Variants in TLE4 observed in about 807,000 individuals in gnomAD.
The protein encoded by TLE4 is TLE family member 4, transcriptional corepressor.
A neutral mutation model predicts 92.8 loss-of-function variants in TLE4; 8 were observed. The ratio of observed to expected loss-of-function variants is 0.09; its 90% confidence interval spans 0.05 to 0.16. TLE4 has a LOEUF of 0.16. TLE4 is among the 10% of genes least tolerant of loss of function. The pLI, the probability that TLE4 is intolerant of heterozygous loss-of-function variation, is 1.00. For missense variants in TLE4, 675 were observed against 997.6 expected, an observed-to-expected ratio of 0.68 and a Z score of 4.36; for synonymous variants, 371 against 374.1, an observed-to-expected ratio of 0.99 and a Z score of 0.10.
intron 5 of TLE4, among the ~76,000 whole-genome samples, chr9:79,613,616 G>A (rs1021394347): frequency 1.3e-5 from 2 of 152,284 alleles, no homozygotes; most frequent in African/African-American, 2.4e-5. Flanking sequence ...ACTTTGTGCT[G>A]TGGGCTGAGA....
chr9:79,600,416 G>A (rs62569291), intron 4 of TLE4, among the ~76,000 whole-genome samples: 4,001 of 152,204 alleles, frequency 0.026, 82 homozygotes, highest in African/African-American at 0.053. Context: ...GCCATTGAAG[G>A]AACTTGAGTG....
In TLE4 at chr9:79,725,987, G is replaced by T. The variant is rs994302442; in HGVS notation, c.*843G>T. Reference sequence around the variant, plus strand: ...TTTGCCACATTTCTTTGCAAAAGGAGATATATATATCTTTAGTCAGTTTTG... The same window carrying T: ...TTTGCCACATTTCTTTGCAAAAGGATATATATATATCTTTAGTCAGTTTTG... On this transcript the variant is annotated 3_prime_UTR_variant, in exon 20 of 20. Coordinates refer to ENST00000376552, the MANE Select transcript of TLE4 (RefSeq NM_007005.6). 1 of 152,558 alleles carries T rather than the reference G, an allele frequency of 6.6e-6. No individual in the cohort carries two copies. The highest frequency in any genetic ancestry group is 1.5e-5 in the Non-Finnish European group (1 of 68,024). The allele number at this position is 152,558 out of a possible 1,614,324, so 9.5% of individuals were successfully genotyped here. A position where few individuals can be genotyped will look rare whatever the true frequency, so the allele number is the denominator to read the frequency against.
chr9:79,671,439 G>T (rs2062337198), intron 8 of TLE4: 1 of 329,832 alleles, frequency 3.0e-6, no homozygotes, highest in South Asian at 2.3e-5. Context: ...TTATTTTCGT[G>T]TCAGATTATC....
intron 8 of TLE4, among the ~76,000 whole-genome samples, chr9:79,682,480 G>T (rs910203696): frequency 6.6e-6 from 1 of 152,096 alleles, no homozygotes; most frequent in Non-Finnish European, 1.5e-5. Flanking sequence ...TTGAAAAGAG[G>T]CAAAGCGGTC....
At chr9:79,719,654 C>T (rs1330550637) in intron 15 of TLE4, among the ~76,000 whole-genome samples, 4 of 152,128 alleles carry the variant, frequency 2.6e-5, no homozygotes, top group African/African-American at 9.7e-5. Context: ...GTAGCAGGAC[C>T]TTTCAACAGC....
At chr9:79,719,158 T>G (rs1257099791) in intron 15 of TLE4, among the ~76,000 whole-genome samples, 187 bp downstream of exon 15, 2 of 152,192 alleles carry the variant, frequency 1.3e-5, no homozygotes, top group Non-Finnish European at 2.9e-5. Context: ...GATCTAGTTC[T>G]TCATGTGTGG....
intron 1 of TLE4, among the ~76,000 whole-genome samples, chr9:79,573,099 GGTC>G (rs2036324663): frequency 6.6e-6 from 1 of 152,040 alleles, no homozygotes; most frequent in African/African-American, 2.4e-5. Context: ...AGCCGTTTGC[GGTC>G]CCCGCGCCGC....
chr9:79,658,405 G>A (rs1467409438), intron 8 of TLE4, among the ~76,000 whole-genome samples: 1 of 151,986 alleles, frequency 6.6e-6, no homozygotes, highest in Non-Finnish European at 1.5e-5. Flanking sequence ...TTTGTTTAAA[G>A]GTTTTTATAA....
chr9:79,592,183 CTCTTCTTCTTCT>C lies in TLE4; in HGVS notation c.252+16027_252+16038del, dbSNP rs57278935. ...CTTCTTCTTCTTCCTCTTCCTCTTC[CTCTTCTTCTTCT>C]TCTTCTTCTTCTTCTTCTTCCTCTT... On this transcript the variant is annotated intron_variant, in intron 4 of 19. Coordinates refer to ENST00000376552, the MANE Select transcript of TLE4 (RefSeq NM_007005.6). Among the ~76,000 whole-genome samples, 412 of 135,360 alleles carry C rather than the reference CTCTTCTTCTTCT, an allele frequency of 3.0e-3. 5 individuals carry two copies. Among genetic ancestry groups the C allele is most frequent in the African/African-American group, 5.7e-3 (199 of 34,970 alleles). The allele number at this position is 135,360 out of a possible 152,430, so 88.8% of individuals were successfully genotyped here. A position where few individuals can be genotyped will look rare whatever the true frequency, so the allele number is the denominator to read the frequency against.
intron 6 of TLE4, among the ~76,000 whole-genome samples, chr9:79,629,617 A>G (rs370220261): frequency 1.1e-3 from 169 of 152,366 alleles, no homozygotes; most frequent in African/African-American, 3.6e-3. Flanking sequence ...ATAGTTGGAT[A>G]TAGTTGGATC....
At chr9:79,603,952 G>A (rs2046258636) in intron 4 of TLE4, among the ~76,000 whole-genome samples, 1 of 152,136 alleles carries the variant, frequency 6.6e-6, no homozygotes, top group South Asian at 2.1e-4. Flanking sequence ...TAGACTCTGA[G>A]GCCCTTTTCC....
At chr9:79,637,921 CACAA>C (rs1189552072) in intron 6 of TLE4, among the ~76,000 whole-genome samples, 1 of 151,978 alleles carries the variant, frequency 6.6e-6, no homozygotes, top group Non-Finnish European at 1.5e-5. Flanking sequence ...GGTCCTGTGA[CACAA>C]ACAAGTTTGA....
rs1277875196 is a variant in TLE4, at chr9:79,705,480, T to A, written c.730-409T>A. Among the ~76,000 whole-genome samples, 3 of 152,202 alleles carry A rather than the reference T, an allele frequency of 2.0e-5. No individual in the cohort carries two copies. The South Asian group carries it at 6.2e-4, about 31-fold the overall frequency. ...GTGTCCTACAGGGCCGCAGGCCTCA[T>A]GAAAAGCTGGAAATCTGGATTTTTA... On this transcript the variant is annotated intron_variant, in intron 9 of 19. Transcript: ENST00000376552.
intron 14 of TLE4, among the ~76,000 whole-genome samples, chr9:79,713,554 G>T (rs1041673807): frequency 6.6e-6 from 1 of 152,228 alleles, no homozygotes; most frequent in Non-Finnish European, 1.5e-5. Flanking sequence ...TATTTGTTGG[G>T]CATCTTAGCT....
intron 15 of TLE4, 143 bp from the exon 16 acceptor site, chr9:79,719,903 A>G: frequency 9.1e-7 from 1 of 1,100,470 alleles, no homozygotes; most frequent in South Asian, 1.8e-5. Flanking sequence ...ATTTTCTAGC[A>G]TTAATCCACT....
At chr9:79,639,595 A>T (rs1289083430) in intron 6 of TLE4, among the ~76,000 whole-genome samples, 1 of 152,140 alleles carries the variant, frequency 6.6e-6, no homozygotes, top group Non-Finnish European at 1.5e-5. Flanking sequence ...TTCATTTATG[A>T]TAAGTGCTTT....
At chr9:79,703,243 A>C (rs2070475808) in intron 8 of TLE4, among the ~76,000 whole-genome samples, 1 of 152,092 alleles carries the variant, frequency 6.6e-6, no homozygotes, top group South Asian at 2.1e-4. Context: ...ACTCTCCAAG[A>C]TCAGCCCTTT....
At chr9:79,676,243 T>C (rs2063237279) in intron 8 of TLE4, among the ~76,000 whole-genome samples, 1 of 152,178 alleles carries the variant, frequency 6.6e-6, no homozygotes, top group Non-Finnish European at 1.5e-5. Flanking sequence ...ATAGAGTAAA[T>C]AAATTATTGC....
chr9:79,652,658 T>A lies in TLE4; in HGVS notation c.456T>A (p.Pro152=), dbSNP rs1587844574. ...TCCCCGTACCTCTGACTCCACACCC[T>A]TCAGGGCTCCAGCCCCCTGCCATTC... is the stretch of plus-strand genomic sequence containing the variant. ...HGLPVPLTPH[P]SGLQPPAIPP... is the part of the protein sequence containing the mutation. The change falls in exon 7 of 20, where the codon CCT becomes CCA. Residue 152 remains proline (P), a synonymous_variant. Coordinates refer to ENST00000376552, the MANE Select transcript of TLE4 (RefSeq NM_007005.6). 1 of 1,614,154 alleles carries A rather than the reference T, an allele frequency of 6.2e-7. No individual in the cohort carries two copies. Among genetic ancestry groups the A allele is most frequent in the Non-Finnish European group, 8.5e-7 (1 of 1,180,008 alleles).
Sources: gnomAD v4.1 joint callset for allele counts (sites outside exome capture counted in the v4.1 genomes callset) on GRCh38, gnomAD v4.1.1 for gene constraint, MANE v1.5 for transcripts, NCBI Gene and HGNC (gene_info 2026-07-23, HGNC 2026-07-21) for gene names.